Variants in RBM34 observed in about 807,000 individuals in gnomAD.
RBM34 encodes RNA binding motif protein 34.
RBM34 carries 39 observed loss-of-function variants against 44.6 expected under a neutral mutation model. The observed-to-expected ratio is 0.87, with a 90% CI of 0.68 to 1.14. The LOEUF is 1.14. Among genes scored for constraint, RBM34 ranks in the 50% most tolerant of loss-of-function variants. The pLI is 0.00. For missense variants in RBM34, 572 were observed against 517.9 expected, an observed-to-expected ratio of 1.10 and a Z score of -1.01; for synonymous variants, 194 against 184.0, an observed-to-expected ratio of 1.05 and a Z score of -0.44.
chr1:235,153,562 T>G (rs144690863), intron 4 of RBM34, among the ~76,000 whole-genome samples: 3,034 of 152,186 alleles, frequency 0.02, 48 homozygotes, highest in Middle Eastern at 0.071. Context: ...GTAGCTGGGA[T>G]TACAGGCATG....
chr1:235,156,956 A>C (rs1245211892), intron 3 of RBM34, among the ~76,000 whole-genome samples: 1 of 152,206 alleles, frequency 6.6e-6, no homozygotes, highest in Non-Finnish European at 1.5e-5. Flanking sequence ...ATAAAAGCTG[A>C]CTGCTATTAC....
At chr1:235,159,379 GTC>G (rs1191857686) in intron 3 of RBM34, among the ~76,000 whole-genome samples, 5 of 151,530 alleles carry the variant, frequency 3.3e-5, no homozygotes, top group Admixed American at 2.0e-4. Flanking sequence ...GTGACACCCC[GTC>G]TCTACTAAGA....
chr1:235,134,745 G>GGT (rs1553272473), intron 10 of RBM34, among the ~76,000 whole-genome samples: 4 of 136,834 alleles, frequency 2.9e-5, no homozygotes, highest in African/African-American at 8.1e-5. Flanking sequence ...TCGTTTTCGG[G>GGT]TTTTTTTTTT....
Position 235,160,944 on chromosome 1 carries a change from G to C in RBM34, c.177C>G (p.Leu59=). The change falls in exon 2 of 11, where the codon CTC becomes CTG. Residue 59 remains leucine, a synonymous_variant. Transcript: ENST00000408888. ...SRGGTGRLAS[L]FSSLEPQIQP... ...GAATCTGGGGCTCCAGAGAACTGAAGAGGGACGCCAGCCGACCGGTGCCAC... is the reference window on the plus strand; with the variant it reads ...GAATCTGGGGCTCCAGAGAACTGAACAGGGACGCCAGCCGACCGGTGCCAC... The C allele has an allele frequency of 6.2e-7, 1 of 1,614,156 alleles. No individual in the cohort carries two copies. The highest frequency in any genetic ancestry group is 1.1e-5 in the South Asian group (1 of 91,086).
At chr1:235,152,491 A>G in intron 5 of RBM34, 1 of 1,279,044 alleles carries the variant, frequency 7.8e-7, no homozygotes, top group Admixed American at 3.9e-5. Context: ...CTTTCATAGC[A>G]AGAGTATCAT....
At chr1:235,142,827 C>T (rs1185884401) in intron 6 of RBM34, among the ~76,000 whole-genome samples, 1 of 148,562 alleles carries the variant, frequency 6.7e-6, no homozygotes, top group Non-Finnish European at 1.5e-5. Context: ...ACCTGAGAGG[C>T]TGAGGCAGGA....
At chr1:235,147,582 G>C (rs1485224539) in intron 6 of RBM34, among the ~76,000 whole-genome samples, 2 of 152,046 alleles carry the variant, frequency 1.3e-5, no homozygotes, top group Non-Finnish European at 2.9e-5. Flanking sequence ...TATACACCTG[G>C]CACTGTGATG....
intron 4 of RBM34, 23 bp from the exon 5 acceptor site, chr1:235,152,788 A>G: frequency 6.6e-7 from 1 of 1,520,804 alleles, no homozygotes; most frequent in Non-Finnish European, 8.9e-7. Context: ...AAAAAAATAC[A>G]CATTAGCTGA....
At chr1:235,156,757 T>C (rs1170146774) in intron 3 of RBM34, 1 of 389,534 alleles carries the variant, frequency 2.6e-6, no homozygotes, top group Non-Finnish European at 5.1e-6. Flanking sequence ...CAGCAAATAC[T>C]TACCGGGTTC....
intron 4 of RBM34, among the ~76,000 whole-genome samples, chr1:235,154,405 A>C (rs948205336): frequency 4.6e-5 from 7 of 151,456 alleles, no homozygotes; most frequent in African/African-American, 7.3e-5. Flanking sequence ...CAAAAAAAAA[A>C]ACACAAAAAT....
intron 6 of RBM34, among the ~76,000 whole-genome samples, chr1:235,143,551 C>CA (rs1323823987): frequency 6.6e-6 from 1 of 152,186 alleles, no homozygotes; most frequent in Non-Finnish European, 1.5e-5. Context: ...GCCTGGCCAA[C>CA]ATGGCAAAGC....
At chr1:235,158,394 C>T (rs192729025) in intron 3 of RBM34, among the ~76,000 whole-genome samples, 1 of 147,320 alleles carries the variant, frequency 6.8e-6, no homozygotes, top group Non-Finnish European at 1.5e-5. Flanking sequence ...CCAGCCTGGG[C>T]GACAACAGTG....
At chr1:235,142,352 C>T (rs112599907) in intron 6 of RBM34, among the ~76,000 whole-genome samples, 24,548 of 152,010 alleles carry the variant, frequency 0.16, 2,210 homozygotes, top group Middle Eastern at 0.23. Context: ...GATCTCGGCT[C>T]ACTGCAACCT....
chr1:235,157,359 T>C (rs1446145123), intron 3 of RBM34, among the ~76,000 whole-genome samples: 1 of 152,098 alleles, frequency 6.6e-6, no homozygotes, highest in African/African-American at 2.4e-5. Context: ...ACTCGGCAAC[T>C]GATTAGCTAA....
rs751475529 is a variant in RBM34, at chr1:235,148,457, GA to G, written c.658-11del. On this transcript the variant is annotated splice_polypyrimidine_tract_variant and intron_variant, in intron 5 of 10. Transcript: ENST00000408888. ...TTCCCTCTGCTGGAATCTTTCAAGAGAAAAAAAAAAGTATTAAAGACAGTAT... is the reference window on the plus strand; with the variant it reads ...TTCCCTCTGCTGGAATCTTTCAAGAGAAAAAAAAAGTATTAAAGACAGTAT... The G allele has an allele frequency of 1.8e-3, 2,494 of 1,423,504 alleles. 1 individual carries two copies. The highest frequency in any genetic ancestry group is 4.0e-3 in the Admixed American group (181 of 44,868). 88.2% of individuals were successfully genotyped at this position (1,423,504 alleles called of 1,614,324 possible).
At chr1:235,145,268 G>A (rs1420741562) in intron 6 of RBM34, among the ~76,000 whole-genome samples, 3 of 150,192 alleles carry the variant, frequency 2.0e-5, no homozygotes, top group African/African-American at 7.4e-5. Context: ...CAACCACAAA[G>A]CTCAAAAACA....
intron 3 of RBM34, among the ~76,000 whole-genome samples, chr1:235,156,123 C>T (rs1662431854): frequency 6.6e-6 from 1 of 151,388 alleles, no homozygotes; most frequent in East Asian, 1.9e-4. Flanking sequence ...CCGCCTCAGC[C>T]TCCCAAAGTG....
At chr1:235,141,787 C>G (rs941656474) in intron 6 of RBM34, among the ~76,000 whole-genome samples, 1 of 152,110 alleles carries the variant, frequency 6.6e-6, no homozygotes, top group Non-Finnish European at 1.5e-5. Context: ...ACACTCACTG[C>G]GAAGGTCTGC....
Position 235,135,863 on chromosome 1 carries a change from C to G in RBM34, c.890-93G>C. ...ATAATACAGCTAGTTAAGCATGGTC[C>G]CATGAAAATAAGCCATTATATTGCA... is the stretch of plus-strand genomic sequence containing the variant. On this transcript the variant is annotated intron_variant, in intron 9 of 10. Coordinates refer to ENST00000408888, the MANE Select transcript of RBM34 (RefSeq NM_015014.4). The G allele has an allele frequency of 2.3e-6, 3 of 1,293,852 alleles. No individual in the cohort carries two copies. The Admixed American group carries it at 5.4e-5, about 23-fold the overall frequency. The allele number at this position is 1,293,852 out of a possible 1,614,324, so 80.1% of individuals were successfully genotyped here.
Sources: allele counts gnomAD v4.1 joint callset (sites outside exome capture counted in the v4.1 genomes callset), GRCh38; gene constraint gnomAD v4.1.1; transcripts MANE v1.5; gene names NCBI Gene and HGNC (gene_info 2026-07-23, HGNC 2026-07-21).